The following GNA15 variants were observed in gnomAD, a reference collection of about 807,000 sequenced individuals.
The protein encoded by GNA15 is G protein subunit alpha 15.
GNA15 carries 23 observed loss-of-function variants against 40.1 expected under a neutral mutation model. That is an observed-to-expected ratio of 0.57 (90% CI 0.41 to 0.81). The LOEUF is 0.81. GNA15 is among the 40% of genes least tolerant of loss of function. The pLI is 0.00. For missense variants in GNA15, 522 were observed against 515.8 expected (o/e 1.01, Z -0.12); for synonymous variants, 226 against 210.4 (o/e 1.07, Z -0.64).
intron 1 of GNA15, among the ~76,000 whole-genome samples, chr19:3,145,359 A>ATATATATATATATATTTTT: frequency 4.3e-4 from 20 of 46,958 alleles, no homozygotes; most frequent in Non-Finnish European, 5.8e-4. Flanking sequence ...ATATATATAT[A>ATATATATATATATATTTTT]TTTTTTTTTT....
intron 1 of GNA15, 37 bp from the exon 2 acceptor site, chr19:3,148,554 C>T (rs111452853): frequency 1.3e-6 from 2 of 1,512,926 alleles, no homozygotes; most frequent in African/African-American, 1.4e-5. Context: ...GTGGGAGTCC[C>T]GTGGAGGGCT....
intron 4 of GNA15, among the ~76,000 whole-genome samples, chr19:3,153,392 G>T (rs1468913559): frequency 6.6e-6 from 1 of 151,866 alleles, no homozygotes; most frequent in Non-Finnish European, 1.5e-5. Flanking sequence ...ATGAGTGGAT[G>T]AATCAATGGA....
At chr19:3,143,155 A>AGG (rs372842619) in intron 1 of GNA15, 4 of 152,314 alleles carry the variant, frequency 2.6e-5, no homozygotes, top group Admixed American at 6.5e-5. Context: ...GTGTGACCCA[A>AGG]ATTAAGTCAC....
In GNA15 at chr19:3,151,878, T is replaced by C. The variant is rs1004338184; in HGVS notation, c.614+43T>C. The C allele has an allele frequency of 6.7e-6, 10 of 1,485,880 alleles. No homozygotes were observed. Among genetic ancestry groups the C allele is most frequent in the African/African-American group, 1.4e-5 (1 of 71,466 alleles). The allele number at this position is 1,485,880 out of a possible 1,614,324, so 92.0% of individuals were successfully genotyped here. A position where few individuals can be genotyped will look rare whatever the true frequency, so the allele number is the denominator to read the frequency against. On this transcript the variant is annotated intron_variant, in intron 4 of 6. Transcript: ENST00000262958. This position sits in a 1 kb window ranked among gnomAD's most constrained non-coding sequence, Gnocchi z 5.0. The stretch of plus-strand genomic sequence containing the variant: ...GCCCAGCCTAGGGGGCAGGGAAGGC[T>C]TCCTGTAGGAAGGGCAAAGGAGCTG...
intron 1 of GNA15, among the ~76,000 whole-genome samples, chr19:3,138,827 A>T (rs1276438716): frequency 4.1e-5 from 6 of 147,628 alleles, no homozygotes; most frequent in Middle Eastern, 7.2e-3. Context: ...TTTAGTAGAG[A>T]TGGGGTTCCA....
At chr19:3,156,531 C>T (rs1483102818) in intron 5 of GNA15, among the ~76,000 whole-genome samples, 1 of 152,216 alleles carries the variant, frequency 6.6e-6, no homozygotes, top group Admixed American at 6.5e-5. Context: ...TGCACGCACA[C>T]GCACAGGCTG....
intron 2 of GNA15, chr19:3,149,511 G>T: frequency 6.4e-6 from 1 of 155,516 alleles, no homozygotes; most frequent in South Asian, 1.9e-4. Context: ...ACACAAATAT[G>T]CAAACAAATC....
chr19:3,142,864 T>G (rs1914609900), intron 1 of GNA15, among the ~76,000 whole-genome samples: 1 of 151,470 alleles, frequency 6.6e-6, no homozygotes, highest in Admixed American at 6.6e-5. Context: ...AGAGCCAGAC[T>G]CTATATCAAA....
At chr19:3,156,002 C>T (rs759842266) in intron 5 of GNA15, 50 bp downstream of exon 5, 33 of 1,576,144 alleles carry the variant, frequency 2.1e-5, no homozygotes, top group African/African-American at 1.3e-5. Flanking sequence ...CAGGGACCCT[C>T]ACCTGAGCAG....
chr19:3,137,705 C>T (rs1010901534), intron 1 of GNA15, among the ~76,000 whole-genome samples: 6 of 152,096 alleles, frequency 3.9e-5, no homozygotes, highest in African/African-American at 1.4e-4. Context: ...TTGCATGAAA[C>T]CAGGAGGTGG....
intron 1 of GNA15, among the ~76,000 whole-genome samples, chr19:3,144,657 T>G (rs976332697): frequency 6.6e-6 from 1 of 150,690 alleles, no homozygotes; most frequent in Non-Finnish European, 1.5e-5. Flanking sequence ...GCCTCCCAAG[T>G]AGCTGGAACT....
intron 4 of GNA15, among the ~76,000 whole-genome samples, chr19:3,154,640 ATGGATGGGTGGG>A (rs1734960296): frequency 6.7e-6 from 1 of 148,396 alleles, no homozygotes; most frequent in Non-Finnish European, 1.5e-5. Context: ...GGATGGGTGG[ATGGATGGGTGGG>A]TGGATGGATG....
rs138805450 is a variant in GNA15 at position 3,148,957 on chromosome 19, A to G, written c.330+182A>G. The stretch of plus-strand genomic sequence containing the variant: ...GTCCTCCAGACATATGTGCATACAT[A>G]CAAGTGCACACACAAGTATACACGC... On this transcript the variant is annotated intron_variant, in intron 2 of 6. Coordinates refer to ENST00000262958, the MANE Select transcript of GNA15 (RefSeq NM_002068.4). The G allele has an allele frequency of 4.3e-5, 26 of 600,916 alleles. No individual in the cohort carries two copies. In the African/African-American group the frequency reaches 4.4e-4, roughly 10 times the overall value. The allele number at this position is 600,916 out of a possible 1,614,324, so 37.2% of individuals were successfully genotyped here. A position where few individuals can be genotyped will look rare whatever the true frequency, so the allele number is the denominator to read the frequency against.
chr19:3,154,999 C>G (rs558495130), intron 4 of GNA15: 1 of 152,294 alleles, frequency 6.6e-6, no homozygotes, highest in African/African-American at 2.4e-5. Context: ...TCCAGAGCCC[C>G]CTCTCGACGG....
In GNA15 at chr19:3,145,654, T is replaced by A. The variant is rs144969167; in HGVS notation, c.146-2937T>A. On this transcript the variant is annotated intron_variant, in intron 1 of 6. Coordinates refer to ENST00000262958, the MANE Select transcript of GNA15 (RefSeq NM_002068.4). ...AACCTCTGCCTCGAGTTCAAGCAATTCTTCTGCCTCAGCCTCCCGAATAGC... is the reference window on the plus strand; with the variant it reads ...AACCTCTGCCTCGAGTTCAAGCAATACTTCTGCCTCAGCCTCCCGAATAGC... Among the ~76,000 whole-genome samples the A allele has an allele frequency of 3.0e-3, 256 of 83,992 alleles. 3 individuals are homozygous for A. Among genetic ancestry groups the A allele is most frequent in the African/African-American group, 0.01 (231 of 22,196 alleles). The allele number at this position is 83,992 out of a possible 152,430, so 55.1% of individuals were successfully genotyped here.
Position 3,136,200 on chromosome 19 carries a change from C to G in GNA15, c.-251C>G. The G allele has an allele frequency of 2.2e-6, 1 of 446,002 alleles. No homozygotes were observed. The highest frequency in any genetic ancestry group is 6.4e-4 in the Middle Eastern group (1 of 1,564). The allele number at this position is 446,002 out of a possible 1,614,324, so 27.6% of individuals were successfully genotyped here. ...GCAGGTCTGGAGGTGGGCGGGGAGCCCTGGCCTCCCCACCTCCTCCCGTCC... is the reference window on the plus strand; with the variant it reads ...GCAGGTCTGGAGGTGGGCGGGGAGCGCTGGCCTCCCCACCTCCTCCCGTCC... On this transcript the variant is annotated 5_prime_UTR_variant, in exon 1 of 7. Coordinates refer to ENST00000262958, the MANE Select transcript of GNA15 (RefSeq NM_002068.4). This position sits in a 1 kb window ranked among gnomAD's most constrained non-coding sequence, Gnocchi z 4.9.
chr19:3,157,129 C>T (rs1393016880), intron 5 of GNA15, among the ~76,000 whole-genome samples: 1 of 151,988 alleles, frequency 6.6e-6, no homozygotes, highest in Non-Finnish European at 1.5e-5. Flanking sequence ...TCCCGAGTAG[C>T]TGGGTTTACA....
rs116079632 is a variant in GNA15, at chr19:3,155,696, C to T, written c.615-127C>T. 2,929 of 1,096,514 alleles carry T rather than the reference C, an allele frequency of 2.7e-3. 58 individuals carry two copies. In the African/African-American group the frequency reaches 0.037, roughly 14 times the overall value. The allele number at this position is 1,096,514 out of a possible 1,614,324, so 67.9% of individuals were successfully genotyped here. A position where few individuals can be genotyped will look rare whatever the true frequency, so the allele number is the denominator to read the frequency against. On this transcript the variant is annotated intron_variant, in intron 4 of 6. Transcript: ENST00000262958. This position sits in a 1 kb window ranked among gnomAD's most constrained non-coding sequence, Gnocchi z 5.6. Reference sequence around the variant, plus strand: ...TCGCGGGAATGACATGGCAAATCCACGAGAGGCTAGCACCTATTCTTGCTG... The same window carrying T: ...TCGCGGGAATGACATGGCAAATCCATGAGAGGCTAGCACCTATTCTTGCTG...
intron 1 of GNA15, among the ~76,000 whole-genome samples, chr19:3,139,998 A>C (rs1271840751): frequency 1.4e-5 from 2 of 147,838 alleles, no homozygotes; most frequent in Non-Finnish European, 3.0e-5. Flanking sequence ...ACACCACTGA[A>C]CTCCAGCCTA....
Sources: allele counts gnomAD v4.1 joint callset (sites outside exome capture counted in the v4.1 genomes callset), GRCh38; gene constraint gnomAD v4.1.1; non-coding constraint Gnocchi (gnomAD v3.1); transcripts MANE v1.5; gene names NCBI Gene and HGNC (gene_info 2026-07-23, HGNC 2026-07-21).